The following AK2 variants were observed in gnomAD, a reference collection of about 807,000 sequenced individuals.
AK2 encodes adenylate kinase 2.
Under a neutral mutation model 24.6 loss-of-function variants are expected in AK2, and 15 were observed. The observed-to-expected ratio is 0.61, with a 90% CI of 0.41 to 0.94. AK2 has a LOEUF of 0.94. Among genes scored for constraint, AK2 ranks in the 40% least tolerant of loss-of-function variants. The pLI, the probability that AK2 is intolerant of heterozygous loss-of-function variation, is 0.00. For synonymous variants in AK2, 102 were observed against 114.0 expected (o/e 0.90, Z 0.67); for missense variants, 257 against 304.1 (o/e 0.85, Z 1.15).
Position 33,012,897 on chromosome 1 carries a change from C to T in AK2, c.*284G>A. 7.3e-7 allele frequency: 1 copy of T among 1,369,588 alleles called. No individual in the cohort carries two copies. Among genetic ancestry groups the T allele is most frequent in the Non-Finnish European group, 9.6e-7 (1 of 1,042,144 alleles). The allele number at this position is 1,369,588 out of a possible 1,614,324, so 84.8% of individuals were successfully genotyped here. A position where few individuals can be genotyped will look rare whatever the true frequency, so the allele number is the denominator to read the frequency against. On this transcript the variant is annotated 3_prime_UTR_variant, in exon 6 of 6. Transcript: ENST00000672715. ...AGGGTGGCAGAGCGAAACCTTGTCT[C>T]AAAACAACAACAAAAAAGAAGTAAA...
intron 1 of AK2, among the ~76,000 whole-genome samples, chr1:33,026,207 CT>C (rs914540399): frequency 6.6e-6 from 1 of 151,332 alleles, no homozygotes; most frequent in Non-Finnish European, 1.5e-5. Flanking sequence ...TTCTTTCTTT[CT>C]TTTTTTTTGA....
At chr1:33,020,728 C>T (rs754702283) in intron 4 of AK2, among the ~76,000 whole-genome samples, 6 of 151,794 alleles carry the variant, frequency 4.0e-5, no homozygotes, top group Non-Finnish European at 7.4e-5. Flanking sequence ...GCCTGTAGTC[C>T]GAGTTACTCG....
chr1:33,013,179 C>T lies in AK2; in HGVS notation c.*2G>A, dbSNP rs768207363. 4.5e-5 allele frequency: 72 copies of T among 1,614,078 alleles called. No individual in the cohort carries two copies. The highest frequency in any genetic ancestry group is 5.8e-5 in the Non-Finnish European group (68 of 1,180,042). ...GAAAGAAATTCCTTCTTGGACCCAACATTAGATAAACATAACCAAGTCTTT... is the reference window on the plus strand; with the variant it reads ...GAAAGAAATTCCTTCTTGGACCCAATATTAGATAAACATAACCAAGTCTTT... On this transcript the variant is annotated 3_prime_UTR_variant, in exon 6 of 6. Transcript: ENST00000672715.
Position 33,012,197 on chromosome 1 carries a change from T to C in AK2, c.*984A>G, listed in dbSNP as rs1199133594. 2 of 1,535,456 alleles carry C rather than the reference T, an allele frequency of 1.3e-6. No homozygotes were observed. Among genetic ancestry groups the C allele is most frequent in the Non-Finnish European group, 1.7e-6 (2 of 1,146,726 alleles). Reference sequence around the variant, plus strand: ...TAATTCTCTGGCAACAATTCAGTTTTCAAACCCAATTCCCAAATAATTGCT... The same window carrying C: ...TAATTCTCTGGCAACAATTCAGTTTCCAAACCCAATTCCCAAATAATTGCT... On this transcript the variant is annotated 3_prime_UTR_variant, in exon 6 of 6. Coordinates refer to ENST00000672715, the MANE Select transcript of AK2 (RefSeq NM_001625.4).
Position 33,008,949 on chromosome 1 carries a change from T to C in AK2, c.*4232A>G, listed in dbSNP as rs925652937. 11 of 453,960 alleles carry C rather than the reference T, an allele frequency of 2.4e-5. No individual in the cohort carries two copies. In the Admixed American group the frequency reaches 2.6e-4, roughly 11 times the overall value. 28.1% of individuals were successfully genotyped at this position (453,960 alleles called of 1,614,324 possible). On this transcript the variant is annotated 3_prime_UTR_variant, in exon 6 of 6. Coordinates refer to ENST00000672715, the MANE Select transcript of AK2 (RefSeq NM_001625.4). ...CTTTGCAGGTTGGTTTGACAAACATTTCCCCACAATTAGATGCATGATGAC... is the reference window on the plus strand; with the variant it reads ...CTTTGCAGGTTGGTTTGACAAACATCTCCCCACAATTAGATGCATGATGAC...
chr1:33,010,653 A>G lies in AK2; in HGVS notation c.*2528T>C. On this transcript the variant is annotated 3_prime_UTR_variant, in exon 6 of 6. Transcript: ENST00000672715. ...TTAAAAACTCTCACCTATGTATAAA[A>G]GAAACTGCCACACTACAATAACACT... The G allele has an allele frequency of 2.6e-6, 4 of 1,547,330 alleles. No individual in the cohort carries two copies. Among genetic ancestry groups the G allele is most frequent in the Non-Finnish European group, 3.5e-6 (4 of 1,138,172 alleles).
At position 33,024,579 on chromosome 1, in the gene AK2, A is replaced by T; in HGVS notation, c.94-12T>A. 1 of 1,614,142 alleles carries T rather than the reference A, an allele frequency of 6.2e-7. No homozygotes were observed. Among genetic ancestry groups the T allele is most frequent in the Non-Finnish European group, 8.5e-7 (1 of 1,179,980 alleles). On this transcript the variant is annotated splice_polypyrimidine_tract_variant and intron_variant, in intron 1 of 5. Coordinates refer to ENST00000672715, the MANE Select transcript of AK2 (RefSeq NM_001625.4). ...GCCAATCTGGGTGCCTACAGAGAGGAAGACAAAAACCAAGATTCAATTACA... is the reference window on the plus strand; with the variant it reads ...GCCAATCTGGGTGCCTACAGAGAGGTAGACAAAAACCAAGATTCAATTACA...
chr1:33,020,737 C>T lies in AK2; in HGVS notation c.425+630G>A, dbSNP rs147028534. 9.7e-3 allele frequency among the ~76,000 whole-genome samples: 1,474 copies of T among 151,768 alleles called. 21 individuals carry two copies. Among genetic ancestry groups the T allele is most frequent in the African/African-American group, 0.033 (1,374 of 41,360 alleles). On this transcript the variant is annotated intron_variant, in intron 4 of 5. Coordinates refer to ENST00000672715, the MANE Select transcript of AK2 (RefSeq NM_001625.4). ...GTACATGCCTGTAGTCCGAGTTACT[C>T]GGGAGGCTGAGACAGGAGAATTACT...
intron 4 of AK2, 143 bp from the exon 5 acceptor site, chr1:33,014,737 CTG>C (rs1051220162): frequency 2.8e-6 from 2 of 722,716 alleles, no homozygotes; most frequent in South Asian, 1.4e-5. Context: ...AGCTAAATAA[CTG>C]GGCTTCCAGG....
intron 2 of AK2, among the ~76,000 whole-genome samples, chr1:33,022,141 A>T (rs1639594782): frequency 1.3e-5 from 2 of 152,270 alleles, no homozygotes; most frequent in East Asian, 3.9e-4. Context: ...CACCTGAGAG[A>T]GTGCCAGGAG....
At position 33,013,154 on chromosome 1, in the gene AK2, G is replaced by C. The variant is rs1638940007; in HGVS notation, c.*27C>G. The C allele has an allele frequency of 1.9e-6, 3 of 1,613,964 alleles. No homozygotes were observed. The highest frequency in any genetic ancestry group is 2.5e-6 in the Non-Finnish European group (3 of 1,180,008). ...TCCCACCCATTGCCTCACAGGGATG[G>C]AAAGAAATTCCTTCTTGGACCCAAC... On this transcript the variant is annotated 3_prime_UTR_variant, in exon 6 of 6. Transcript: ENST00000672715.
In AK2 at chr1:33,012,040, G is replaced by A. The variant is rs1638853381; in HGVS notation, c.*1141C>T. 1 of 1,535,330 alleles carries A rather than the reference G, an allele frequency of 6.5e-7. No homozygotes were observed. Among genetic ancestry groups the A allele is most frequent in the Admixed American group, 2.0e-5 (1 of 50,964 alleles). On this transcript the variant is annotated 3_prime_UTR_variant, in exon 6 of 6. Coordinates refer to ENST00000672715, the MANE Select transcript of AK2 (RefSeq NM_001625.4). ...TGTTTTGTTCACACTTGGAAACACA[G>A]GCAAACATTAAAAATAAAAGCAAAT... is the stretch of plus-strand genomic sequence containing the variant.
intron 2 of AK2, among the ~76,000 whole-genome samples, chr1:33,023,601 C>T (rs773342104): frequency 1.1e-4 from 17 of 151,942 alleles, no homozygotes; most frequent in Non-Finnish European, 2.1e-4. Context: ...ATGCAATTAT[C>T]GTCCCCAGAT....
At chr1:33,034,628 T>C (rs966395758) in intron 1 of AK2, among the ~76,000 whole-genome samples, 1 of 152,198 alleles carries the variant, frequency 6.6e-6, no homozygotes, top group Non-Finnish European at 1.5e-5. Context: ...TATCCCCATT[T>C]TTCAGGTAAG....
Position 33,011,386 on chromosome 1 carries a change from G to A in AK2, c.*1795C>T, listed in dbSNP as rs1405475694. On this transcript the variant is annotated 3_prime_UTR_variant, in exon 6 of 6. Coordinates refer to ENST00000672715, the MANE Select transcript of AK2 (RefSeq NM_001625.4). ...CAAAGCCAGACTGAGTTTCCATTAAGAGTGGGTGGAGTTGGTTTAGAGCCA... is the reference window on the plus strand; with the variant it reads ...CAAAGCCAGACTGAGTTTCCATTAAAAGTGGGTGGAGTTGGTTTAGAGCCA... The A allele has an allele frequency of 2.1e-5, 27 of 1,287,412 alleles. No individual in the cohort carries two copies. Among genetic ancestry groups the A allele is most frequent in the Non-Finnish European group, 2.6e-5 (26 of 988,914 alleles). 79.7% of individuals were successfully genotyped at this position (1,287,412 alleles called of 1,614,324 possible).
At chr1:33,029,028 G>A (rs1011676079) in intron 1 of AK2, among the ~76,000 whole-genome samples, 9 of 152,230 alleles carry the variant, frequency 5.9e-5, no homozygotes, top group East Asian at 1.9e-4. Context: ...CTAAGGTCTC[G>A]TTTTCTTTAT....
intron 2 of AK2, among the ~76,000 whole-genome samples, chr1:33,023,375 T>C (rs1639669361): frequency 6.6e-6 from 1 of 151,732 alleles, no homozygotes; most frequent in African/African-American, 2.4e-5. Flanking sequence ...AAAACCAGTG[T>C]GGGCAACACA....
intron 1 of AK2, among the ~76,000 whole-genome samples, chr1:33,027,527 G>C (rs1317894380): frequency 6.6e-6 from 1 of 152,022 alleles, no homozygotes; most frequent in South Asian, 2.1e-4. Context: ...GGATCACGAG[G>C]TCAGGAGTTC....
Position 33,008,916 on chromosome 1 carries a change from C to T in AK2, c.*4265G>A, listed in dbSNP as rs1209853587. On this transcript the variant is annotated 3_prime_UTR_variant, in exon 6 of 6. Transcript: ENST00000672715. ...TCTCTGTTTATTCTTCTCAACTACA[C>T]CATGCTGCTTTGCAGGTTGGTTTGA... The T allele has an allele frequency of 2.2e-6, 1 of 454,118 alleles. No homozygotes were observed. Among genetic ancestry groups the T allele is most frequent in the South Asian group, 1.6e-5 (1 of 64,474 alleles). The allele number at this position is 454,118 out of a possible 1,614,324, so 28.1% of individuals were successfully genotyped here.
Sources: allele counts gnomAD v4.1 joint callset (sites outside exome capture counted in the v4.1 genomes callset), GRCh38; gene constraint gnomAD v4.1.1; transcripts MANE v1.5; gene names NCBI Gene and HGNC (gene_info 2026-07-23, HGNC 2026-07-21).